Variants in ROBO2 observed in about 807,000 individuals in gnomAD.
ROBO2 encodes roundabout guidance receptor 2, also known as roundabout homolog 2.
Under a neutral mutation model 160.8 loss-of-function variants are expected in ROBO2, and 53 were observed. The observed-to-expected ratio is 0.33, with a 90% CI of 0.26 to 0.41. The LOEUF is 0.41. ROBO2 is among the 10% of genes least tolerant of loss of function. The pLI is 1.00. For missense variants in ROBO2, 1,577 were observed against 1,722.4 expected (o/e 0.92, Z 1.49); for synonymous variants, 664 against 611.7 (o/e 1.09, Z -1.26).
chr3:77,142,496 C>T (rs1479349444), intron 2 of ROBO2, among the ~76,000 whole-genome samples: 1 of 152,176 alleles, frequency 6.6e-6, no homozygotes, highest in African/African-American at 2.4e-5. Flanking sequence ...ATCTTAAGGA[C>T]ATGACTATAA....
chr3:76,174,970 C>T (rs745547618), intron 2 of ROBO2, among the ~76,000 whole-genome samples: 10 of 152,036 alleles, frequency 6.6e-5, no homozygotes, highest in African/African-American at 9.7e-5. Flanking sequence ...ACCATTTTCA[C>T]GATATTGATT....
chr3:76,952,190 T>G (rs2078997058), intron 2 of ROBO2, among the ~76,000 whole-genome samples: 1 of 152,234 alleles, frequency 6.6e-6, no homozygotes, highest in South Asian at 2.1e-4. Flanking sequence ...TTTTAAATCA[T>G]CTGGTATAAT....
At chr3:76,445,805 CA>C (rs1350814840) in intron 2 of ROBO2, among the ~76,000 whole-genome samples, 1 of 152,086 alleles carries the variant, frequency 6.6e-6, no homozygotes, top group Non-Finnish European at 1.5e-5. Flanking sequence ...ATTATCTCAA[CA>C]GATGAAGAAA....
intron 6 of ROBO2, among the ~76,000 whole-genome samples, chr3:77,533,562 T>C (rs1440225163): frequency 2.0e-5 from 3 of 152,162 alleles, no homozygotes; most frequent in Non-Finnish European, 4.4e-5. Context: ...TTTCCTTGGC[T>C]GTTGGACAGG....
At chr3:77,086,320 CTT>C (rs2069302335) in intron 1 of ROBO2, among the ~76,000 whole-genome samples, 1 of 152,056 alleles carries the variant, frequency 6.6e-6, no homozygotes, top group Non-Finnish European at 1.5e-5. Context: ...CTCATTCAAT[CTT>C]CTCAGCAATG....
Position 77,192,548 on chromosome 3 carries a change from T to C in ROBO2, c.388+94208T>C, listed in dbSNP as rs2081950585. Among the ~76,000 whole-genome samples, 3 of 152,258 alleles carry C rather than the reference T, an allele frequency of 2.0e-5. No individual in the cohort carries two copies. In the Middle Eastern group the frequency reaches 0.01, roughly 518 times the overall value. On this transcript the variant is annotated intron_variant, in intron 2 of 25. Coordinates refer to ENST00000461745, the Ensembl canonical transcript of ROBO2. ...ATTCTTAGCTAAAAATTGTTTCAGT[T>C]ATTTTCTACTGGTCATGCAGATATC...
chr3:77,160,266 G>A (rs2078367268), intron 2 of ROBO2, among the ~76,000 whole-genome samples: 1 of 151,886 alleles, frequency 6.6e-6, no homozygotes, highest in African/African-American at 2.4e-5. Flanking sequence ...CTTTACATAT[G>A]GTAGCATTTT....
chr3:77,121,133 C>T lies in ROBO2; in HGVS notation c.388+22793C>T, dbSNP rs572886697. ...CTAATTTTTGTATTTTTAGTAGAGA[C>T]GGGGTTTCACCATGTTGGCCAGTCT... On this transcript the variant is annotated intron_variant, in intron 2 of 25. Coordinates refer to ENST00000461745, the Ensembl canonical transcript of ROBO2. Among the ~76,000 whole-genome samples, 31 of 151,948 alleles carry T rather than the reference C, an allele frequency of 2.0e-4. No individual in the cohort carries two copies. In the South Asian group the frequency reaches 4.4e-3, roughly 21 times the overall value.
chr3:76,713,926 C>T (rs1166743185), intron 2 of ROBO2, among the ~76,000 whole-genome samples: 2 of 150,732 alleles, frequency 1.3e-5, no homozygotes, highest in African/African-American at 4.9e-5. Context: ...AGGGTAGTTT[C>T]TTAAGTAGTA....
intron 6 of ROBO2, among the ~76,000 whole-genome samples, chr3:77,524,860 T>A (rs1269973067): frequency 6.6e-6 from 1 of 151,178 alleles, no homozygotes; most frequent in Non-Finnish European, 1.5e-5. Context: ...TGGATTAGAG[T>A]GTTTATTCTT....
chr3:77,579,934 T>C lies in ROBO2; in HGVS notation c.2329-13T>C. 6.2e-6 allele frequency: 10 copies of C among 1,611,644 alleles called. No individual in the cohort carries two copies. Among genetic ancestry groups the C allele is most frequent in the Non-Finnish European group, 8.5e-6 (10 of 1,177,820 alleles). ...TCTTATATCCATGTGTTATTCACTT[T>C]CCATTTCTGTAGATCTGGTGTCTAG... On this transcript the variant is annotated splice_polypyrimidine_tract_variant and intron_variant, in intron 15 of 25. Transcript: ENST00000461745.
rs151278663 is a variant in ROBO2, at chr3:77,484,274, T to C, written c.667+3055T>C. On this transcript the variant is annotated intron_variant, in intron 4 of 25. Transcript: ENST00000461745. ...TACATATGTTAAGCTCTGAAGATCCTGGATGGCAGAGAAAGTAGAGTTGAA... is the reference window on the plus strand; with the variant it reads ...TACATATGTTAAGCTCTGAAGATCCCGGATGGCAGAGAAAGTAGAGTTGAA... Among the ~76,000 whole-genome samples the C allele has an allele frequency of 2.0e-4, 30 of 152,156 alleles. 1 individual carries two copies. The highest frequency in any genetic ancestry group is 6.3e-4 in the African/African-American group (26 of 41,574).
intron 2 of ROBO2, among the ~76,000 whole-genome samples, chr3:77,425,429 T>G (rs964034396): frequency 1.3e-5 from 2 of 152,122 alleles, no homozygotes; most frequent in South Asian, 4.1e-4. Context: ...CCAAAGATGT[T>G]CTTTCTAAGG....
At chr3:77,242,916 C>T (rs149910283) in intron 2 of ROBO2, among the ~76,000 whole-genome samples, 15 of 148,762 alleles carry the variant, frequency 1.0e-4, no homozygotes, top group East Asian at 2.0e-4. Context: ...TAAATGAGAG[C>T]GGTAACATCA....
chr3:76,017,771 A>G (rs775933653), intron 2 of ROBO2, among the ~76,000 whole-genome samples: 1 of 152,094 alleles, frequency 6.6e-6, no homozygotes, highest in African/African-American at 2.4e-5. Context: ...ACTATAAAAC[A>G]TTGTCTTAAG....
chr3:76,328,114 GT>G, intron 2 of ROBO2, among the ~76,000 whole-genome samples: 1 of 152,128 alleles, frequency 6.6e-6, no homozygotes, highest in Admixed American at 6.5e-5. Flanking sequence ...ATATACAATA[GT>G]TCCTTGATGA....
At chr3:76,872,393 A>AT (rs71104632) in intron 2 of ROBO2, among the ~76,000 whole-genome samples, 10,254 of 151,858 alleles carry the variant, frequency 0.068, 349 homozygotes, top group Admixed American at 0.094. Flanking sequence ...TAACACTCAA[A>AT]TTTTTTTTGT....
At chr3:77,293,859 T>C (rs1288480637) in intron 2 of ROBO2, among the ~76,000 whole-genome samples, 1 of 138,142 alleles carries the variant, frequency 7.2e-6, no homozygotes, top group South Asian at 2.2e-4. Flanking sequence ...TGAGGCTAGA[T>C]CACCCCAGAT....
chr3:76,957,555 G>A (rs555543561), intron 2 of ROBO2, among the ~76,000 whole-genome samples: 9 of 152,082 alleles, frequency 5.9e-5, no homozygotes, highest in East Asian at 1.9e-4. Flanking sequence ...CAATTAGGCC[G>A]GGTGCAGTGG....
Sources: gnomAD v4.1 joint callset for allele counts (sites outside exome capture counted in the v4.1 genomes callset) on GRCh38, gnomAD v4.1.1 for gene constraint, MANE v1.5 for transcripts, NCBI Gene and HGNC (gene_info 2026-07-23, HGNC 2026-07-21) for gene names.